Variants in NEK11 observed in about 807,000 individuals in gnomAD.
NEK11 encodes serine/threonine-protein kinase Nek11.
A neutral mutation model predicts 80.7 loss-of-function variants in NEK11; 72 were observed. The observed-to-expected ratio is 0.89, with a 90% CI of 0.74 to 1.08. NEK11 has a LOEUF of 1.08. Among genes scored for constraint, NEK11 ranks in the 50% least tolerant of loss-of-function variants. The probability of loss-of-function intolerance (pLI) is 0.00; values close to 1 mark genes in which losing one functional copy is unlikely to be tolerated. For synonymous variants in NEK11, 251 were observed against 260.7 expected (o/e 0.96, Z 0.36); for missense variants, 764 against 763.6 (o/e 1.00, Z -0.01).
At chr3:131,067,964 C>A (rs1249403031) in intron 3 of NEK11, among the ~76,000 whole-genome samples, 1 of 152,128 alleles carries the variant, frequency 6.6e-6, no homozygotes, top group Non-Finnish European at 1.5e-5. Flanking sequence ...GCATGTAGTC[C>A]ACTCTTGCGG....
chr3:131,274,566 G>A (rs1426373776), intron 17 of NEK11, among the ~76,000 whole-genome samples: 1 of 144,818 alleles, frequency 6.9e-6, no homozygotes, highest in Non-Finnish European at 1.5e-5. Flanking sequence ...CTAGTTTACA[G>A]TCCCACCAAC....
chr3:131,115,962 C>G (rs530326822), intron 5 of NEK11, among the ~76,000 whole-genome samples: 1 of 140,870 alleles, frequency 7.1e-6, no homozygotes. Context: ...TTCTTTCTTT[C>G]TTTCTTTCTT....
chr3:131,235,264 CTT>C (rs1378588387), intron 15 of NEK11, among the ~76,000 whole-genome samples: 1 of 152,044 alleles, frequency 6.6e-6, no homozygotes, highest in Non-Finnish European at 1.5e-5. Context: ...CCCTCTAGTG[CTT>C]TTCTCTCCAA....
At chr3:131,108,222 A>G (rs1327472969) in intron 4 of NEK11, among the ~76,000 whole-genome samples, 1 of 152,150 alleles carries the variant, frequency 6.6e-6, no homozygotes. Context: ...TAAAAAGTGC[A>G]TTAGAAGTGA....
chr3:131,031,230 T>G (rs2064797627), intron 3 of NEK11, among the ~76,000 whole-genome samples: 1 of 152,252 alleles, frequency 6.6e-6, no homozygotes, highest in Non-Finnish European at 1.5e-5. Context: ...TTATAGTTTT[T>G]AGTCAATTTC....
rs575887381 is a variant in NEK11, at chr3:131,334,535, C to G, written c.1719-15022C>G. Among the ~76,000 whole-genome samples, 129 of 150,698 alleles carry G rather than the reference C, an allele frequency of 8.6e-4. 1 individual carries two copies. The highest frequency in any genetic ancestry group is 6.8e-3 in the Middle Eastern group (2 of 294). On this transcript the variant is annotated intron_variant, in intron 17 of 17. Coordinates refer to ENST00000383366, the MANE Select transcript of NEK11 (RefSeq NM_024800.5). Reference sequence around the variant, plus strand: ...AAGCAGGAAAGATCCAAAATTGACACCCTAACATCACAATTAAAAGAACTA... The same window carrying G: ...AAGCAGGAAAGATCCAAAATTGACAGCCTAACATCACAATTAAAAGAACTA...
At chr3:131,223,048 C>A (rs535975407) in intron 14 of NEK11, among the ~76,000 whole-genome samples, 135 of 152,272 alleles carry the variant, frequency 8.9e-4, no homozygotes, top group Non-Finnish European at 1.7e-3. Flanking sequence ...GCCTGGCATA[C>A]AGAAGATCTG....
chr3:131,104,138 T>G (rs1445118855), intron 4 of NEK11, among the ~76,000 whole-genome samples: 1 of 152,146 alleles, frequency 6.6e-6, no homozygotes, highest in Non-Finnish European at 1.5e-5. Flanking sequence ...TGGTGTGCTA[T>G]AGGCCTGCAA....
intron 7 of NEK11, among the ~76,000 whole-genome samples, chr3:131,150,718 A>G (rs999619459): frequency 6.6e-6 from 1 of 151,948 alleles, no homozygotes; most frequent in Non-Finnish European, 1.5e-5. Flanking sequence ...ATAATTTTTA[A>G]ACACCACAAG....
chr3:131,337,073 T>TA (rs1287855917), intron 17 of NEK11, among the ~76,000 whole-genome samples: 1 of 152,186 alleles, frequency 6.6e-6, no homozygotes, highest in Admixed American at 6.5e-5. Flanking sequence ...CTCAGGCATC[T>TA]AGAACTAGAA....
At chr3:131,285,563 C>T (rs1365027818) in intron 17 of NEK11, among the ~76,000 whole-genome samples, 3 of 152,180 alleles carry the variant, frequency 2.0e-5, no homozygotes, top group Non-Finnish European at 4.4e-5. Flanking sequence ...TAAAACTTCT[C>T]TATTTTGAAA....
intron 17 of NEK11, among the ~76,000 whole-genome samples, chr3:131,345,994 CAGAGAT>C (rs1017102270): frequency 1.3e-5 from 2 of 150,446 alleles, no homozygotes; most frequent in African/African-American, 4.9e-5. Flanking sequence ...CTCAAGTACA[CAGAGAT>C]AGAGAATGAA....
chr3:131,242,368 G>A (rs1273038240), intron 15 of NEK11, among the ~76,000 whole-genome samples: 1 of 152,108 alleles, frequency 6.6e-6, no homozygotes, highest in Admixed American at 6.6e-5. Flanking sequence ...CCCAGCACTT[G>A]GCTGAGATGA....
chr3:131,273,667 A>G (rs1010594022), intron 17 of NEK11, 93 bp downstream of exon 17: 1 of 911,000 alleles, frequency 1.1e-6, no homozygotes, highest in Non-Finnish European at 1.7e-6. Context: ...GTCTTAGTCC[A>G]TTTGTGCTGC....
intron 15 of NEK11, among the ~76,000 whole-genome samples, chr3:131,229,945 G>A (rs1236631852): frequency 1.3e-5 from 2 of 151,926 alleles, no homozygotes; most frequent in African/African-American, 4.8e-5. Flanking sequence ...TTTTCCAACG[G>A]AATCTGGAAA....
chr3:131,134,491 C>T (rs567830940), intron 7 of NEK11, among the ~76,000 whole-genome samples: 18 of 151,942 alleles, frequency 1.2e-4, no homozygotes, highest in African/African-American at 3.6e-4. Flanking sequence ...ACCTCCACCT[C>T]TTGGGTTCAA....
intron 9 of NEK11, among the ~76,000 whole-genome samples, chr3:131,153,186 A>G (rs1289289721): frequency 6.6e-6 from 1 of 152,196 alleles, no homozygotes; most frequent in Non-Finnish European, 1.5e-5. Flanking sequence ...CCCCAGTGCC[A>G]CTGAAAATAA....
chr3:131,324,959 T>C (rs1197685565), intron 17 of NEK11: 2 of 152,224 alleles, frequency 1.3e-5, no homozygotes, highest in African/African-American at 2.4e-5. Flanking sequence ...TTATAAAATA[T>C]CCTCTTGAGG....
At chr3:131,210,681 G>T (rs936910751) in intron 14 of NEK11, among the ~76,000 whole-genome samples, 2 of 152,234 alleles carry the variant, frequency 1.3e-5, no homozygotes, top group Admixed American at 1.3e-4. Flanking sequence ...TATATATTTA[G>T]GATAGTTAGC....
Sources: gnomAD v4.1 joint callset for allele counts (sites outside exome capture counted in the v4.1 genomes callset) on GRCh38, gnomAD v4.1.1 for gene constraint, MANE v1.5 for transcripts, NCBI Gene and HGNC (gene_info 2026-07-23, HGNC 2026-07-21) for gene names.